Variants in CSMD1 observed in about 807,000 individuals in gnomAD.
The protein encoded by CSMD1 is CUB and Sushi multiple domains 1, also known as CUB and sushi domain-containing protein 1.
Under a neutral mutation model 417.5 loss-of-function variants are expected in CSMD1, and 213 were observed. That is an observed-to-expected ratio of 0.51 (90% CI 0.46 to 0.57). CSMD1 has a LOEUF of 0.57. Ranked by LOEUF, CSMD1 falls within the 20% of genes least tolerant of loss-of-function variation. CSMD1 has a pLI of 0.00. For synonymous variants in CSMD1, 2,862 were observed against 1,736.8 expected (o/e 1.65, Z -16.11); for missense variants, 6,923 against 4,529.7 (o/e 1.53, Z -15.17).
At chr8:4,590,561 T>A (rs7816402) in intron 2 of CSMD1, among the ~76,000 whole-genome samples, 36,925 of 151,812 alleles carry the variant, frequency 0.24, 6,053 homozygotes, top group African/African-American at 0.47. Context: ...TATATGCTTT[T>A]AAAAATAAAA....
intron 3 of CSMD1, among the ~76,000 whole-genome samples, chr8:4,126,149 C>A (rs1802751962): frequency 6.6e-6 from 1 of 152,134 alleles, no homozygotes; most frequent in Middle Eastern, 3.2e-3. Flanking sequence ...CCAGTCAGCA[C>A]TACCCACTTC....
intron 3 of CSMD1, among the ~76,000 whole-genome samples, chr8:4,101,767 G>C (rs540854485): frequency 6.6e-6 from 1 of 152,178 alleles, no homozygotes; most frequent in Non-Finnish European, 1.5e-5. Flanking sequence ...TTTTGCTTAG[G>C]ACAGCAAATG....
chr8:3,370,514 G>C (rs375625073), intron 18 of CSMD1, among the ~76,000 whole-genome samples: 1 of 152,204 alleles, frequency 6.6e-6, no homozygotes. Context: ...TTATGTGCCA[G>C]TGTGACTGGG....
intron 5 of CSMD1, among the ~76,000 whole-genome samples, chr8:3,986,701 T>C (rs1014144619): frequency 1.3e-5 from 2 of 152,204 alleles, no homozygotes; most frequent in African/African-American, 4.8e-5. Context: ...CATTTTACCA[T>C]GGAAAATTTA....
At chr8:3,157,805 T>C in intron 39 of CSMD1, 92 bp downstream of exon 39, 1 of 1,041,592 alleles carries the variant, frequency 9.6e-7, no homozygotes, top group Non-Finnish European at 1.4e-6. Context: ...AATTAAGAAA[T>C]TTAGAAGTGC....
intron 1 of CSMD1, among the ~76,000 whole-genome samples, chr8:4,924,136 T>C (rs1472722926): frequency 8.5e-5 from 13 of 152,310 alleles, no homozygotes; most frequent in East Asian, 1.9e-4. Context: ...GGCTCACAAA[T>C]AAACATCCAG....
At chr8:3,820,906 G>C (rs1055593963) in intron 5 of CSMD1, among the ~76,000 whole-genome samples, 4 of 151,920 alleles carry the variant, frequency 2.6e-5, no homozygotes, top group Non-Finnish European at 4.4e-5. Flanking sequence ...ACCTGCCTGA[G>C]GGTGTTCTAT....
At chr8:4,087,363 T>C (rs1385284159) in intron 3 of CSMD1, among the ~76,000 whole-genome samples, 1 of 152,202 alleles carries the variant, frequency 6.6e-6, no homozygotes, top group Non-Finnish European at 1.5e-5. Flanking sequence ...TGAATTTGCT[T>C]CTCAAAGAAC....
intron 8 of CSMD1, among the ~76,000 whole-genome samples, chr8:3,590,330 A>C (rs1266615019): frequency 6.6e-6 from 1 of 152,190 alleles, no homozygotes; most frequent in Non-Finnish European, 1.5e-5. Flanking sequence ...GTTAAAATAA[A>C]AACACTTAGG....
At chr8:3,516,443 G>C (rs1229971052) in intron 10 of CSMD1, among the ~76,000 whole-genome samples, 1 of 152,180 alleles carries the variant, frequency 6.6e-6, no homozygotes, top group Non-Finnish European at 1.5e-5. Flanking sequence ...AGCCAGGCCT[G>C]GTTGAGTGAG....
chr8:4,639,370 C>T (rs996414389), intron 1 of CSMD1, among the ~76,000 whole-genome samples: 3 of 151,180 alleles, frequency 2.0e-5, no homozygotes. Context: ...GCAGACAGAT[C>T]GTTGGAAGTG....
intron 26 of CSMD1, among the ~76,000 whole-genome samples, chr8:3,277,467 T>A (rs1231768733): frequency 1.3e-5 from 2 of 152,080 alleles, no homozygotes; most frequent in Non-Finnish European, 2.9e-5. Context: ...GAATTGGATT[T>A]TGGATCTATT....
chr8:3,809,119 C>T (rs922694770), intron 5 of CSMD1, among the ~76,000 whole-genome samples: 6 of 152,114 alleles, frequency 3.9e-5, no homozygotes, highest in Non-Finnish European at 7.4e-5. Flanking sequence ...CATGCTCTGC[C>T]CTCTATTGGG....
chr8:3,899,883 T>G (rs550409266), intron 5 of CSMD1, among the ~76,000 whole-genome samples: 1 of 152,244 alleles, frequency 6.6e-6, no homozygotes, highest in Non-Finnish European at 1.5e-5. Flanking sequence ...CTCCAAACCC[T>G]GAGCTTAAGA....
chr8:3,960,681 T>TA (rs1339659914), intron 5 of CSMD1, among the ~76,000 whole-genome samples: 2 of 151,998 alleles, frequency 1.3e-5, no homozygotes, highest in African/African-American at 4.8e-5. Context: ...TAAAACTTTT[T>TA]ATAAAGATAA....
chr8:3,492,743 C>T (rs768978146), intron 11 of CSMD1, among the ~76,000 whole-genome samples: 2 of 152,168 alleles, frequency 1.3e-5, no homozygotes, highest in African/African-American at 4.8e-5. Context: ...TGGGATCAGT[C>T]TGCAAATATT....
intron 7 of CSMD1, among the ~76,000 whole-genome samples, chr8:3,626,651 T>A (rs937454985): frequency 6.6e-6 from 1 of 151,534 alleles, no homozygotes; most frequent in Non-Finnish European, 1.5e-5. Context: ...TGATTATAGT[T>A]CATTAGTGAT....
At chr8:4,134,499 C>T (rs930517329) in intron 3 of CSMD1, among the ~76,000 whole-genome samples, 1 of 152,180 alleles carries the variant, frequency 6.6e-6, no homozygotes, top group African/African-American at 2.4e-5. Context: ...TCTCCGACTT[C>T]CAGCCTCCAG....
At chr8:4,150,588 A>AAACCAAACAAACAAGCATTAACTGC (rs1796518725) in intron 3 of CSMD1, among the ~76,000 whole-genome samples, 1 of 152,228 alleles carries the variant, frequency 6.6e-6, no homozygotes. Context: ...AGGTACAGGT[A>AAACCAAACAAACAAGCATTAACTGC]AAACAAGCAA....
Sources: gnomAD v4.1 joint callset for allele counts (sites outside exome capture counted in the v4.1 genomes callset) on GRCh38, gnomAD v4.1.1 for gene constraint, MANE v1.5 for transcripts, NCBI Gene and HGNC (gene_info 2026-07-23, HGNC 2026-07-21) for gene names.